CAMK1G: variants seen among roughly 807,000 people sequenced by gnomAD.
CAMK1G encodes the protein calcium/calmodulin dependent protein kinase IG, also known as calcium/calmodulin-dependent protein kinase type 1G.
A neutral mutation model predicts 54.8 loss-of-function variants in CAMK1G; 27 were observed. The ratio of observed to expected loss-of-function variants is 0.49; its 90% CI spans 0.36 to 0.68. The LOEUF is 0.68. Ranked by LOEUF, CAMK1G falls within the 30% of genes least tolerant of loss-of-function variation. The pLI is 0.00. For missense variants in CAMK1G, 512 were observed against 591.0 expected, an observed-to-expected ratio of 0.87 and a Z score of 1.39; for synonymous variants, 238 against 224.9, an observed-to-expected ratio of 1.06 and a Z score of -0.52.
chr1:209,590,002 A>G (rs568370180), intron 1 of CAMK1G, among the ~76,000 whole-genome samples: 1 of 152,326 alleles, frequency 6.6e-6, no homozygotes, highest in African/African-American at 2.4e-5. Flanking sequence ...GACATCCTCC[A>G]AGTCTCCTGA....
chr1:209,612,275 AG>A, intron 11 of CAMK1G, 59 bp downstream of exon 11: 1 of 1,566,478 alleles, frequency 6.4e-7, no homozygotes, highest in African/African-American at 1.4e-5. Flanking sequence ...ATCGGTCAAC[AG>A]GACTGAAAGA....
rs1665571465 is a variant in CAMK1G, at chr1:209,603,278, G to C, written c.286G>C (p.Val96Leu). 1 of 1,613,672 alleles carries C rather than the reference G, an allele frequency of 6.2e-7. No homozygotes were observed. The highest frequency in any genetic ancestry group is 1.3e-5 in the African/African-American group (1 of 74,902). ...IYESTTHYYLVMQLVSGGELF... is the reference protein window; with the variant it reads ...IYESTTHYYLLMQLVSGGELF... ...TGAGAGCACCACCCACTACTACCTGGTCATGCAGCTGTAAGTAAAAGGTGA... is the reference window on the plus strand; with the variant it reads ...TGAGAGCACCACCCACTACTACCTGCTCATGCAGCTGTAAGTAAAAGGTGA... Residue 96 changes from valine to leucine, a missense_variant, in exon 4 of 13, where the codon GTC (valine) becomes CTC (leucine). Around this residue, in one of 3 missense-constraint regions of CAMK1G, gnomAD observed 186 missense variants for 231.5 expected, o/e 0.80. Transcript: ENST00000361322.
intron 1 of CAMK1G, among the ~76,000 whole-genome samples, chr1:209,589,944 G>C (rs537690806): frequency 1.7e-4 from 26 of 152,274 alleles, no homozygotes; most frequent in African/African-American, 5.5e-4. Flanking sequence ...ATATTCTTGA[G>C]AATCTTGCTG....
At chr1:209,588,625 C>T (rs1558134039) in intron 1 of CAMK1G, among the ~76,000 whole-genome samples, 3 of 152,122 alleles carry the variant, frequency 2.0e-5, no homozygotes, top group South Asian at 2.1e-4. Context: ...AGAGAGAATC[C>T]GGCCAGTGTG....
intron 6 of CAMK1G, among the ~76,000 whole-genome samples, chr1:209,607,406 A>C (rs555350370): frequency 3.7e-4 from 57 of 152,178 alleles, no homozygotes; most frequent in African/African-American, 1.3e-3. Context: ...CTCCTAATCT[A>C]ATGGGGGTGA....
At position 209,613,144 on chromosome 1, in the gene CAMK1G, G is replaced by C. The variant is rs1015188587; in HGVS notation, c.*142G>C. The C allele has an allele frequency of 3.1e-5, 11 of 356,642 alleles. No individual in the cohort carries two copies. The highest frequency in any genetic ancestry group is 4.3e-5 in the Non-Finnish European group (8 of 187,882). The allele number at this position is 356,642 out of a possible 1,614,324, so 22.1% of individuals were successfully genotyped here. On this transcript the variant is annotated 3_prime_UTR_variant, in exon 13 of 13. Coordinates refer to ENST00000361322, the MANE Select transcript of CAMK1G (RefSeq NM_020439.3). ...GCTTAGCAGGAGCAGTTTCTGGCCA[G>C]AAGCACCAGCCTGCTGCCAGCGGGG...
intron 12 of CAMK1G, 54 bp from the exon 13 acceptor site, chr1:209,612,986 G>T: frequency 2.5e-6 from 2 of 797,054 alleles, no homozygotes; most frequent in Non-Finnish European, 4.3e-6. Flanking sequence ...GAGTGTGAGT[G>T]ATGGGGTCTG....
At chr1:209,612,690 A>G in intron 11 of CAMK1G, 95 bp from the exon 12 acceptor site, 2 of 980,392 alleles carry the variant, frequency 2.0e-6, no homozygotes, top group South Asian at 1.3e-5. Context: ...AGCTGAGTGG[A>G]TGCCACAGGC....
chr1:209,610,103 A>G (rs1014474065), intron 9 of CAMK1G, among the ~76,000 whole-genome samples, 174 bp downstream of exon 9: 1 of 152,186 alleles, frequency 6.6e-6, no homozygotes, highest in Non-Finnish European at 1.5e-5. Context: ...AACATTATAC[A>G]GTGGAGCAGG....
rs751199694 is a variant in CAMK1G, at chr1:209,607,844, T to G, written c.560-14T>G. On this transcript the variant is annotated splice_polypyrimidine_tract_variant and intron_variant, in intron 6 of 12. Transcript: ENST00000361322. ...CTTGCCACCAGCCCTGACTCTGCCC[T>G]TGGTCTGCTGCAGCTCCAGAAGTGC... 1 of 1,610,314 alleles carries G rather than the reference T, an allele frequency of 6.2e-7. No homozygotes were observed. The highest frequency in any genetic ancestry group is 8.5e-7 in the Non-Finnish European group (1 of 1,178,162).
chr1:209,595,136 G>C, intron 2 of CAMK1G, 61 bp downstream of exon 2: 1 of 1,170,524 alleles, frequency 8.5e-7, no homozygotes, highest in Middle Eastern at 2.0e-4. Context: ...GGTTAGAAGA[G>C]TTGTTCTCTG....
chr1:209,604,365 G>A (rs1219001068), intron 4 of CAMK1G, among the ~76,000 whole-genome samples: 1 of 152,206 alleles, frequency 6.6e-6, no homozygotes, highest in Non-Finnish European at 1.5e-5. Flanking sequence ...GAGATGGGAA[G>A]AGTTGGATGT....
At chr1:209,587,591 A>C (rs7532726) in intron 1 of CAMK1G, among the ~76,000 whole-genome samples, 29,550 of 151,958 alleles carry the variant, frequency 0.19, 3,736 homozygotes, top group Non-Finnish European at 0.27. Flanking sequence ...TAAGATACTG[A>C]AAAGCAAACT....
chr1:209,597,234 A>G (rs1665412704), intron 2 of CAMK1G, among the ~76,000 whole-genome samples: 2 of 152,210 alleles, frequency 1.3e-5, no homozygotes, highest in Non-Finnish European at 2.9e-5. Flanking sequence ...TATCATATGA[A>G]CATGTATGAT....
At chr1:209,585,621 G>A (rs1351365548) in intron 1 of CAMK1G, among the ~76,000 whole-genome samples, 2 of 152,328 alleles carry the variant, frequency 1.3e-5, no homozygotes, top group Non-Finnish European at 2.9e-5. Context: ...AGTGCCTAGC[G>A]CGGTGCCCCA....
At chr1:209,609,688 G>A in intron 8 of CAMK1G, 163 bp from the exon 9 acceptor site, 1 of 189,900 alleles carries the variant, frequency 5.3e-6, no homozygotes, top group Non-Finnish European at 9.8e-6. Context: ...GTGGGTTGTT[G>A]TTAGGTGGTT....
intron 2 of CAMK1G, among the ~76,000 whole-genome samples, chr1:209,595,952 T>G (rs781635648): frequency 6.6e-6 from 1 of 151,696 alleles, no homozygotes; most frequent in Admixed American, 6.7e-5. Context: ...TCCAGGCCAC[T>G]GGCCCCCAAA....
At chr1:209,611,218 C>T (rs562607977) in intron 9 of CAMK1G, among the ~76,000 whole-genome samples, 1 of 152,308 alleles carries the variant, frequency 6.6e-6, no homozygotes, top group African/African-American at 2.4e-5. Context: ...GGCAATAGGT[C>T]GATTTGGCCT....
At chr1:209,586,222 T>TA (rs1553272185) in intron 1 of CAMK1G, among the ~76,000 whole-genome samples, 1 of 152,168 alleles carries the variant, frequency 6.6e-6, no homozygotes, top group Non-Finnish European at 1.5e-5. Context: ...AGGCACCTCT[T>TA]GCATGGGATT....
Sources: gnomAD v4.1 joint callset for allele counts (sites outside exome capture counted in the v4.1 genomes callset) on GRCh38, gnomAD v4.1.1 for gene constraint, gnomAD v4.1.1 regional missense constraint, MANE v1.5 for transcripts, NCBI Gene and HGNC (gene_info 2026-07-23, HGNC 2026-07-21) for gene names.